Variants in MTBP observed in about 807,000 individuals in gnomAD.
MTBP encodes mdm2-binding protein.
MTBP carries 101 observed loss-of-function variants against 117.0 expected under a neutral mutation model. That is an observed-to-expected ratio of 0.86 (90% confidence interval 0.73 to 1.02). The LOEUF (loss-of-function observed/expected upper bound fraction) is 1.02, where lower values mean the gene tolerates loss of function less well. Ranked by LOEUF, MTBP falls within the 50% of genes least tolerant of loss-of-function variation. MTBP has a pLI of 0.00. For missense variants in MTBP, 970 were observed against 1,030.9 expected, an observed-to-expected ratio of 0.94 and a Z score of 0.81; for synonymous variants, 350 against 351.5, an observed-to-expected ratio of 1.00 and a Z score of 0.05.
chr8:120,503,935 T>G, intron 15 of MTBP, among the ~76,000 whole-genome samples: 1 of 151,970 alleles, frequency 6.6e-6, no homozygotes, highest in East Asian at 1.9e-4. Flanking sequence ...GGTAGATGGG[T>G]GGAAACTTAG....
intron 11 of MTBP, among the ~76,000 whole-genome samples, chr8:120,474,842 G>A (rs528018682): frequency 1.3e-5 from 2 of 151,980 alleles, no homozygotes; most frequent in East Asian, 3.9e-4. Context: ...TTATAACATT[G>A]TATTTAGTAG....
At chr8:120,484,613 C>T (rs1236252662) in intron 11 of MTBP, among the ~76,000 whole-genome samples, 1 of 152,146 alleles carries the variant, frequency 6.6e-6, no homozygotes, top group Non-Finnish European at 1.5e-5. Flanking sequence ...CAGAACTTTA[C>T]ATTCCTAAGA....
At chr8:120,487,228 TC>T (rs1225200455) in intron 11 of MTBP, among the ~76,000 whole-genome samples, 1 of 152,186 alleles carries the variant, frequency 6.6e-6, no homozygotes, top group Admixed American at 6.5e-5. Flanking sequence ...CAAACTCTGT[TC>T]CTATTCCAGC....
chr8:120,463,845 TATTA>T, intron 10 of MTBP, 84 bp downstream of exon 10: 1 of 1,276,172 alleles, frequency 7.8e-7, no homozygotes, highest in Non-Finnish European at 1.1e-6. Flanking sequence ...GAATGTAACT[TATTA>T]ATCTGTTTGC....
chr8:120,493,274 C>A (rs575583962), intron 13 of MTBP, among the ~76,000 whole-genome samples: 15 of 152,258 alleles, frequency 9.9e-5, no homozygotes, highest in African/African-American at 2.9e-4. Context: ...TATGCAAACT[C>A]ATTTGTGTGA....
intron 10 of MTBP, among the ~76,000 whole-genome samples, 166 bp from the exon 11 acceptor site, chr8:120,470,654 G>C (rs553508643): frequency 4.5e-4 from 69 of 152,232 alleles, no homozygotes; most frequent in Non-Finnish European, 9.0e-4. Context: ...TTGACAGAGG[G>C]TGGGCCATTG....
At chr8:120,472,761 G>A (rs964337730) in intron 11 of MTBP, 5 of 152,112 alleles carry the variant, frequency 3.3e-5, no homozygotes, top group South Asian at 2.1e-4. Flanking sequence ...GTTACATTCC[G>A]TTATTTAGAG....
chr8:120,479,395 CAG>C (rs1814022931), intron 11 of MTBP, among the ~76,000 whole-genome samples: 1 of 152,188 alleles, frequency 6.6e-6, no homozygotes, highest in Admixed American at 6.5e-5. Flanking sequence ...ATTTTACTGA[CAG>C]AGACAAAGTA....
Position 120,502,539 on chromosome 8 carries a change from C to A in MTBP, c.1657C>A (p.Pro553Thr). The A allele has an allele frequency of 4.4e-6, 7 of 1,606,770 alleles. No homozygotes were observed. Among genetic ancestry groups the A allele is most frequent in the Non-Finnish European group, 5.1e-6 (6 of 1,177,360 alleles). Residue 553 changes from proline to threonine, a missense_variant, in exon 15 of 22, where the codon CCT becomes ACT. Pro to Thr is a conservative substitution (Grantham distance 38). Transcript: ENST00000305949. ...PNSSSLMETNPLEWPERHVLQ... is the reference protein window; with the variant it reads ...PNSSSLMETNTLEWPERHVLQ... ...TTCCTCAAGTCTAATGGAAACCAAT[C>A]CTCTGGAATGGCCAGAAAGGCATGT... is the stretch of plus-strand genomic sequence containing the variant.
intron 11 of MTBP, 69 bp downstream of exon 11, chr8:120,471,006 A>G: frequency 2.9e-6 from 3 of 1,047,872 alleles, no homozygotes; most frequent in Non-Finnish European, 4.3e-6. Context: ...ATTTGAAGTG[A>G]AGATAACATT....
chr8:120,509,376 C>A (rs1007577069), intron 16 of MTBP, among the ~76,000 whole-genome samples: 1 of 152,050 alleles, frequency 6.6e-6, no homozygotes, highest in Non-Finnish European at 1.5e-5. Context: ...CTGAGGCCGG[C>A]GGATCACTTG....
intron 21 of MTBP, 102 bp downstream of exon 21, chr8:120,522,821 C>A: frequency 2.5e-6 from 2 of 786,892 alleles, no homozygotes; most frequent in Non-Finnish European, 4.0e-6. Flanking sequence ...AGTTACTGGT[C>A]TTTTTCAACT....
At chr8:120,520,564 C>A (rs904752819) in intron 20 of MTBP, among the ~76,000 whole-genome samples, 1 of 152,032 alleles carries the variant, frequency 6.6e-6, no homozygotes, top group Non-Finnish European at 1.5e-5. Context: ...CCTAGCTTGT[C>A]CAAGCCAATG....
chr8:120,500,917 C>T (rs10085998), intron 14 of MTBP, among the ~76,000 whole-genome samples: 80,971 of 151,558 alleles, frequency 0.53, 24,648 homozygotes, highest in Non-Finnish European at 0.67. Context: ...ATAGGCCAGG[C>T]GCGGTGGCTC....
intron 14 of MTBP, among the ~76,000 whole-genome samples, chr8:120,499,894 T>G (rs1279670637): frequency 1.3e-5 from 2 of 152,202 alleles, no homozygotes; most frequent in African/African-American, 4.8e-5. Flanking sequence ...ACACACTGCA[T>G]AAGTAAGTTT....
At chr8:120,480,415 A>G (rs1291080544) in intron 11 of MTBP, among the ~76,000 whole-genome samples, 3 of 152,180 alleles carry the variant, frequency 2.0e-5, no homozygotes, top group Admixed American at 6.5e-5. Context: ...GTCTCAAAAA[A>G]AAAAGAAAAG....
chr8:120,465,988 T>C (rs567313758), intron 10 of MTBP, among the ~76,000 whole-genome samples: 1 of 152,288 alleles, frequency 6.6e-6, no homozygotes, highest in East Asian at 1.9e-4. Context: ...TGTTTTGTTT[T>C]AAATTTGTTG....
At position 120,460,188 on chromosome 8, in the gene MTBP, A is replaced by G. The variant is rs142910390; in HGVS notation, c.882+839A>G. 6.7e-3 allele frequency among the ~76,000 whole-genome samples: 1,023 copies of G among 152,262 alleles called. 9 individuals are homozygous for G. The highest frequency in any genetic ancestry group is 0.024 in the African/African-American group (987 of 41,558). On this transcript the variant is annotated intron_variant, in intron 8 of 21. Transcript: ENST00000305949. ...TAGAATTGCTTACTTTAAGTAACTT[A>G]CTATGGCCATCTTTCACAGGAATAT...
In MTBP at chr8:120,516,135, A is replaced by G; in HGVS notation, c.2190A>G (p.Glu730=). Residue 730 remains glutamate, a synonymous_variant, in exon 18 of 22, where the codon GAA becomes GAG. Transcript: ENST00000305949. ...GEVLQNELRT[E]VSRLKRRSKD... is the part of the protein sequence containing the mutation. ...TTTTACAAAATGAACTTCGAACTGA[A>G]GTATCCCGATTGAAACGGAGATCTA... 6.2e-7 allele frequency: 1 copy of G among 1,612,744 alleles called. No individual in the cohort carries two copies. Among genetic ancestry groups the G allele is most frequent in the Non-Finnish European group, 8.5e-7 (1 of 1,179,052 alleles).
Sources: allele counts gnomAD v4.1 joint callset (sites outside exome capture counted in the v4.1 genomes callset), GRCh38; gene constraint gnomAD v4.1.1; transcripts MANE v1.5; gene names NCBI Gene and HGNC (gene_info 2026-07-23, HGNC 2026-07-21).